The following UNC79 variants were observed in gnomAD, a reference collection of about 807,000 sequenced individuals.
The protein encoded by UNC79 is unc-79 subunit of NALCN channel complex.
UNC79 carries 37 observed loss-of-function variants against 283.1 expected under a neutral mutation model. That is an observed-to-expected ratio of 0.13 (90% CI 0.10 to 0.17). The LOEUF (loss-of-function observed/expected upper bound fraction) is 0.17. UNC79 is among the 10% of genes least tolerant of loss of function. The probability of loss-of-function intolerance (pLI) is 1.00; values close to 1 mark genes in which losing one functional copy is unlikely to be tolerated. For missense variants in UNC79, 2,272 were observed against 3,211.1 expected (o/e 0.71, Z 7.07); for synonymous variants, 1,107 against 1,200.2 (o/e 0.92, Z 1.61).
intron 47 of UNC79, among the ~76,000 whole-genome samples, chr14:93,695,890 C>CAAAAAAAAGAAAAAAAAAAAAA (rs2075068633): frequency 2.5e-5 from 1 of 39,440 alleles, no homozygotes; most frequent in Non-Finnish European, 4.7e-5. Context: ...GACTTTGTCT[C>CAAAAAAAAGAAAAAAAAAAAAA]AAAAAAAAAA....
chr14:93,500,716 C>G (rs1399158407), intron 7 of UNC79, among the ~76,000 whole-genome samples: 1 of 152,146 alleles, frequency 6.6e-6, no homozygotes, highest in Non-Finnish European at 1.5e-5. Context: ...AAGTAACATG[C>G]CTAAATTCAC....
chr14:93,528,890 C>T (rs1595757376), intron 9 of UNC79, among the ~76,000 whole-genome samples: 1 of 152,038 alleles, frequency 6.6e-6, no homozygotes, highest in African/African-American at 2.4e-5. Context: ...TAAATCAGCT[C>T]CAATTTTGGA....
chr14:93,466,573 A>G (rs982918350), intron 1 of UNC79, among the ~76,000 whole-genome samples: 1 of 152,216 alleles, frequency 6.6e-6, no homozygotes, highest in Non-Finnish European at 1.5e-5. Context: ...CTGTGCTTCT[A>G]CGTCCCACAC....
intron 14 of UNC79, among the ~76,000 whole-genome samples, chr14:93,553,947 C>T (rs1395323617): frequency 1.3e-5 from 2 of 152,146 alleles, no homozygotes; most frequent in African/African-American, 4.8e-5. Flanking sequence ...CAAAATAGGA[C>T]CACAGTTTAT....
chr14:93,578,135 C>A, intron 18 of UNC79, 72 bp downstream of exon 18: 1 of 1,394,398 alleles, frequency 7.2e-7, no homozygotes, highest in Non-Finnish European at 9.9e-7. Context: ...CAATTCTTTC[C>A]ATGTGTTGGG....
Position 93,353,328 on chromosome 14 carries a change from CA to C in UNC79, c.-351+19808del, listed in dbSNP as rs568227571. ...AAGTGATTTTCCCACCTTGACTTCC[CA>C]AAGCTTTGGATTATAGGCATGAGCC... is the stretch of plus-strand genomic sequence containing the variant. On this transcript the variant is annotated intron_variant, in intron 1 of 49. Coordinates refer to the UNC79 transcript ENST00000256339. Among the ~76,000 whole-genome samples, 146 of 152,268 alleles carry C rather than the reference CA, an allele frequency of 9.6e-4. 1 individual carries two copies. Among genetic ancestry groups the C allele is most frequent in the African/African-American group, 3.5e-3 (144 of 41,562 alleles).
chr14:93,385,134 C>T (rs1213356133), intron 1 of UNC79, among the ~76,000 whole-genome samples: 1 of 152,096 alleles, frequency 6.6e-6, no homozygotes, highest in African/African-American at 2.4e-5. Context: ...TTTGTTTTTG[C>T]TTAGGATAGC....
At chr14:93,697,200 A>G (rs2075198155) in intron 47 of UNC79, among the ~76,000 whole-genome samples, 1 of 151,946 alleles carries the variant, frequency 6.6e-6, no homozygotes, top group Non-Finnish European at 1.5e-5. Flanking sequence ...TAATGGTGCA[A>G]TCTCGGCTTA....
intron 12 of UNC79, among the ~76,000 whole-genome samples, chr14:93,539,404 C>T (rs939066709): frequency 5.3e-5 from 8 of 151,144 alleles, no homozygotes; most frequent in African/African-American, 1.7e-4. Context: ...GCCTGTAATC[C>T]CAGCTACTCA....
intron 7 of UNC79, among the ~76,000 whole-genome samples, chr14:93,502,353 C>T (rs990735099): frequency 2.0e-5 from 3 of 152,088 alleles, no homozygotes; most frequent in Non-Finnish European, 4.4e-5. Flanking sequence ...GCGGAGTTTG[C>T]AGTGAGCTGA....
At chr14:93,675,481 TG>T (rs1454219846) in intron 41 of UNC79, among the ~76,000 whole-genome samples, 1 of 152,128 alleles carries the variant, frequency 6.6e-6, no homozygotes, top group Non-Finnish European at 1.5e-5. Flanking sequence ...TCCCACATAG[TG>T]CAACGGGTAC....
intron 47 of UNC79, among the ~76,000 whole-genome samples, chr14:93,700,459 C>T: frequency 6.6e-6 from 1 of 151,996 alleles, no homozygotes; most frequent in African/African-American, 2.4e-5. Flanking sequence ...TCTGTTAGTT[C>T]TGTTATCTGT....
At chr14:93,534,139 C>T (rs2060955104) in intron 11 of UNC79, among the ~76,000 whole-genome samples, 1 of 152,176 alleles carries the variant, frequency 6.6e-6, no homozygotes, top group Admixed American at 6.5e-5. Context: ...TATAGCAGCT[C>T]CAGCCATAAA....
At chr14:93,646,063 A>G (rs544087233) in intron 34 of UNC79, among the ~76,000 whole-genome samples, 2 of 152,292 alleles carry the variant, frequency 1.3e-5, no homozygotes, top group South Asian at 2.1e-4. Context: ...CACATACAGA[A>G]CCGTATAATT....
chr14:93,372,872 C>G (rs1459863741), intron 1 of UNC79, among the ~76,000 whole-genome samples: 1 of 152,180 alleles, frequency 6.6e-6, no homozygotes, highest in Non-Finnish European at 1.5e-5. Flanking sequence ...ATGTTCTTCT[C>G]AAGGTCACAA....
intron 1 of UNC79, among the ~76,000 whole-genome samples, chr14:93,350,392 TG>T (rs1339030221): frequency 6.6e-6 from 1 of 152,138 alleles, no homozygotes; most frequent in Non-Finnish European, 1.5e-5. Context: ...CTAAAGATCT[TG>T]TGTGGTAAAT....
intron 4 of UNC79, among the ~76,000 whole-genome samples, chr14:93,486,963 T>C (rs557526678): frequency 4.6e-5 from 7 of 152,316 alleles, no homozygotes; most frequent in Admixed American, 1.3e-4. Context: ...GCAACTGTGT[T>C]ATTCACAGAT....
At chr14:93,392,439 A>G (rs1476394710) in intron 1 of UNC79, among the ~76,000 whole-genome samples, 1 of 152,194 alleles carries the variant, frequency 6.6e-6, no homozygotes, top group Non-Finnish European at 1.5e-5. Context: ...AAAGAAATGA[A>G]CACTTAAAAA....
At chr14:93,446,880 A>G (rs894976294) in intron 1 of UNC79, among the ~76,000 whole-genome samples, 1 of 152,260 alleles carries the variant, frequency 6.6e-6, no homozygotes, top group Non-Finnish European at 1.5e-5. Context: ...GTGCCAATTG[A>G]AAACAAAATG....
Sources: gnomAD v4.1 joint callset for allele counts (sites outside exome capture counted in the v4.1 genomes callset) on GRCh38, gnomAD v4.1.1 for gene constraint, MANE v1.5 for transcripts, NCBI Gene and HGNC (gene_info 2026-07-23, HGNC 2026-07-21) for gene names.